The following FDFT1 variants were observed in gnomAD, a reference collection of about 807,000 sequenced individuals.
The protein encoded by FDFT1 is farnesyl-diphosphate farnesyltransferase 1.
FDFT1 carries 68 observed loss-of-function variants against 46.8 expected under a neutral mutation model. The ratio of observed to expected loss-of-function variants is 1.45; its 90% CI spans 1.19 to 1.78. The LOEUF is 1.78. FDFT1 is among the 40% of genes most tolerant of loss of function. The pLI, the probability that FDFT1 is intolerant of heterozygous loss-of-function variation, is 0.00. For missense variants in FDFT1, 928 were observed against 524.4 expected (o/e 1.77, Z -7.52); for synonymous variants, 351 against 185.1 (o/e 1.90, Z -7.28).
upstream of FDFT1, among the ~76,000 whole-genome samples, chr8:11,800,334 C>G (rs112904314): frequency 0.03 from 4,264 of 142,450 alleles, 220 homozygotes; most frequent in African/African-American, 0.1. Flanking sequence ...ATTTTTACTT[C>G]CTGCAGAAAG....
chr8:11,809,180 T>C (rs1807356218), intron 2 of FDFT1: 1 of 1,251,684 alleles, frequency 8.0e-7, no homozygotes, highest in African/African-American at 1.5e-5. Flanking sequence ...AGGTCGTGTA[T>C]TTCTCGGCTT....
In FDFT1 at chr8:11,831,843, G is replaced by A. The variant is rs920963128; in HGVS notation, c.1032+173G>A. On this transcript the variant is annotated intron_variant, in intron 7 of 7. Coordinates refer to ENST00000220584, the MANE Select transcript of FDFT1 (RefSeq NM_004462.5). The stretch of plus-strand genomic sequence containing the variant: ...AAAAAAGTCTATTCACAGGAGCCGA[G>A]CAGATTGCTCACTGCTGTGTAGTAC... 8.2e-6 allele frequency: 5 copies of A among 613,234 alleles called. No individual in the cohort carries two copies. In the Admixed American group the frequency reaches 1.1e-4, roughly 14 times the overall value. 38.0% of individuals were successfully genotyped at this position (613,234 alleles called of 1,614,324 possible).
chr8:11,805,172 C>T (rs1211778520), intron 1 of FDFT1, among the ~76,000 whole-genome samples: 1 of 151,212 alleles, frequency 6.6e-6, no homozygotes, highest in Non-Finnish European at 1.5e-5. Context: ...CCACCTCAGC[C>T]TTCAAAGTGC....
intron 1 of FDFT1, among the ~76,000 whole-genome samples, chr8:11,804,647 A>T (rs143000746): frequency 0.013 from 1,448 of 112,156 alleles, 24 homozygotes; most frequent in African/African-American, 0.045. Flanking sequence ...TCTGTTACCC[A>T]GGCTGGAGTG....
intron 7 of FDFT1, among the ~76,000 whole-genome samples, chr8:11,834,385 C>T (rs1811258961): frequency 6.6e-6 from 1 of 152,194 alleles, no homozygotes; most frequent in Non-Finnish European, 1.5e-5. Context: ...CGGCCAGAAA[C>T]CCCCATTCCC....
At chr8:11,832,100 A>T (rs115567431) in intron 7 of FDFT1, among the ~76,000 whole-genome samples, 2 of 152,198 alleles carry the variant, frequency 1.3e-5, no homozygotes, top group Non-Finnish European at 2.9e-5. Context: ...ACAGGCCTCA[A>T]TTGAAAAATC....
At chr8:11,837,390 C>T (rs534218724) in intron 7 of FDFT1, among the ~76,000 whole-genome samples, 1 of 152,170 alleles carries the variant, frequency 6.6e-6, no homozygotes, top group Non-Finnish European at 1.5e-5. Context: ...TGCCACGATG[C>T]CCGGCTAATT....
At chr8:11,800,146 AG>A (rs1487024261), upstream of FDFT1, among the ~76,000 whole-genome samples, 69 of 150,870 alleles carry the variant, frequency 4.6e-4, no homozygotes, top group African/African-American at 1.6e-3. Flanking sequence ...CTGTAATCCC[AG>A]CTACTCGGGA....
At chr8:11,796,568 G>A (rs1805586182) in intron 1 of FDFT1, among the ~76,000 whole-genome samples, 1 of 152,212 alleles carries the variant, frequency 6.6e-6, no homozygotes, top group African/African-American at 2.4e-5. Context: ...GGAGTGGGAA[G>A]CTTTACGGTG....
intron 1 of FDFT1, among the ~76,000 whole-genome samples, chr8:11,804,715 T>A (rs1408277602): frequency 6.7e-6 from 1 of 149,698 alleles, no homozygotes; most frequent in Non-Finnish European, 1.5e-5. Flanking sequence ...CAAGCAATTC[T>A]CCTGCCTCAG....
At chr8:11,833,212 AACTT>A (rs1811089333) in intron 7 of FDFT1, among the ~76,000 whole-genome samples, 1 of 152,188 alleles carries the variant, frequency 6.6e-6, no homozygotes, top group African/African-American at 2.4e-5. Flanking sequence ...ATGTAGCCAG[AACTT>A]ACTTTGATCT....
chr8:11,808,250 C>G, intron 1 of FDFT1: 1 of 1,205,456 alleles, frequency 8.3e-7, no homozygotes, highest in Non-Finnish European at 1.0e-6. Context: ...TAGGGAGACT[C>G]TGTCACTGGG....
chr8:11,814,175 C>G (rs550255268), intron 3 of FDFT1, among the ~76,000 whole-genome samples: 53 of 152,278 alleles, frequency 3.5e-4, no homozygotes, highest in African/African-American at 1.2e-3. Flanking sequence ...TTCTAATAAC[C>G]TCTTGTAGAA....
At chr8:11,829,343 TATCATTAAAA>T (rs2130863719) in intron 5 of FDFT1, among the ~76,000 whole-genome samples, 1 of 152,338 alleles carries the variant, frequency 6.6e-6, no homozygotes, top group African/African-American at 2.4e-5. Flanking sequence ...CTCTAAATAA[TATCATTAAAA>T]ATCATCAAGC....
chr8:11,839,028 T>G lies in FDFT1; in HGVS notation c.*419T>G, dbSNP rs543203972. On this transcript the variant is annotated 3_prime_UTR_variant, in exon 8 of 8. Coordinates refer to ENST00000220584, the MANE Select transcript of FDFT1 (RefSeq NM_004462.5). The stretch of plus-strand genomic sequence containing the variant: ...TTTTCTTTCTGTTCGGCTCCTATTT[T>G]TCTCATCATTTTGTTTTCTTTAATT... 5.7e-4 allele frequency: 98 copies of G among 173,362 alleles called. 1 individual carries two copies. The highest frequency in any genetic ancestry group is 2.1e-3 in the African/African-American group (88 of 41,720). 10.7% of individuals were successfully genotyped at this position (173,362 alleles called of 1,614,324 possible).
chr8:11,803,387 G>C (rs1806395843), intron 1 of FDFT1: 4 of 1,289,540 alleles, frequency 3.1e-6, no homozygotes, highest in African/African-American at 1.5e-5. Flanking sequence ...ACCTCTTCCG[G>C]AGCTCTCCCC....
rs8944 is a variant in FDFT1 at position 11,838,983 on chromosome 8, A to C, written c.*374A>C. ...TTGAAGCACCATTTGAATGTTCGTA[A>C]TAGTAGAAAATGATGTGAATTTTCT... On this transcript the variant is annotated 3_prime_UTR_variant, in exon 8 of 8. Transcript: ENST00000220584. 0.2 allele frequency: 37,986 copies of C among 191,014 alleles called. 4,325 individuals are homozygous for C. The highest frequency in any genetic ancestry group is 0.48 in the East Asian group (2,919 of 6,114). The allele number at this position is 191,014 out of a possible 1,614,324, so 11.8% of individuals were successfully genotyped here. A position where few individuals can be genotyped will look rare whatever the true frequency, so the allele number is the denominator to read the frequency against.
At chr8:11,827,896 A>G (rs1243006446) in intron 5 of FDFT1, among the ~76,000 whole-genome samples, 4 of 136,426 alleles carry the variant, frequency 2.9e-5, no homozygotes, top group Non-Finnish European at 6.8e-5. Context: ...AAAACAAAAC[A>G]AAACAAAAAA....
In FDFT1 at chr8:11,830,332, C is replaced by G. The variant is rs753837696; in HGVS notation, c.791C>G (p.Thr264Ser). The G allele has an allele frequency of 1.2e-6, 2 of 1,613,154 alleles. No individual in the cohort carries two copies. The highest frequency in any genetic ancestry group is 1.7e-5 in the Admixed American group (1 of 59,990). Residue 264 changes from threonine to serine, a missense_variant, in exon 6 of 8, where the codon ACC becomes AGC. Physicochemically the swap from Thr to Ser is moderately conservative, Grantham distance 58. Transcript: ENST00000220584. ...GTGCAGTGCCTGAATGAACTTATAA[C>G]CAATGCACTGCACCACATCCCAGAT... ...LAVQCLNELI[T>S]NALHHIPDVI...
Sources: gnomAD v4.1 joint callset for allele counts (sites outside exome capture counted in the v4.1 genomes callset) on GRCh38, gnomAD v4.1.1 for gene constraint, MANE v1.5 for transcripts, NCBI Gene and HGNC (gene_info 2026-07-23, HGNC 2026-07-21) for gene names.